SPATS1: variants seen among roughly 807,000 people sequenced by gnomAD.
SPATS1 encodes spermatogenesis associated serine rich 1, also known as spermatogenesis-associated serine-rich protein 1.
Under a neutral mutation model 33.6 loss-of-function variants are expected in SPATS1, and 23 were observed. The observed-to-expected ratio is 0.68, with a 90% CI of 0.49 to 0.97. The LOEUF is 0.97. Ranked by LOEUF, SPATS1 falls within the 50% of genes least tolerant of loss-of-function variation. SPATS1 has a pLI of 0.00. For synonymous variants in SPATS1, 131 were observed against 125.6 expected, an observed-to-expected ratio of 1.04 and a Z score of -0.29; for missense variants, 327 against 361.0, an observed-to-expected ratio of 0.91 and a Z score of 0.76.
Position 44,360,458 on chromosome 6 carries a change from C to T in SPATS1, c.300C>T (p.Asp100=). 6.2e-7 allele frequency: 1 copy of T among 1,614,176 alleles called. No homozygotes were observed. Residue 100 remains aspartate, a synonymous_variant, in exon 4 of 9, where the codon GAC becomes GAT. Coordinates refer to ENST00000674044, the MANE Select transcript of SPATS1 (RefSeq NM_001372081.1). ...GCTTTCTTTCCAGCACCACTGCTGACTTGGATCGGAAACTCTCCTTCTCAC... is the reference window on the plus strand; with the variant it reads ...GCTTTCTTTCCAGCACCACTGCTGATTTGGATCGGAAACTCTCCTTCTCAC... ...RVSAYVDTTA[D]LDRKLSFSHS...
intron 4 of SPATS1, 106 bp downstream of exon 4, chr6:44,360,676 GA>G: frequency 7.4e-7 from 1 of 1,353,790 alleles, no homozygotes; most frequent in East Asian, 2.4e-5. Context: ...TCAAGCATTT[GA>G]TGTACTTTAT....
chr6:44,370,676 G>A (rs1295061649), intron 7 of SPATS1, among the ~76,000 whole-genome samples: 1 of 151,970 alleles, frequency 6.6e-6, no homozygotes, highest in Admixed American at 6.6e-5. Context: ...CTATGAGTGG[G>A]CATGTGTCCC....
In SPATS1 at chr6:44,378,778, A is replaced by G. The variant is rs914898900; in HGVS notation, c.*1715A>G. On this transcript the variant is annotated 3_prime_UTR_variant, in exon 9 of 9. Coordinates refer to ENST00000674044, the MANE Select transcript of SPATS1 (RefSeq NM_001372081.1). ...AAGAGCGAAACTCCATCCCAAAAAC[A>G]AAGAAGCAAACAAAAACCACAATGC... The G allele has an allele frequency of 2.6e-5, 4 of 152,462 alleles. No homozygotes were observed. The highest frequency in any genetic ancestry group is 5.9e-5 in the Non-Finnish European group (4 of 68,314). 9.4% of individuals were successfully genotyped at this position (152,462 alleles called of 1,614,324 possible).
intron 2 of SPATS1, among the ~76,000 whole-genome samples, chr6:44,345,509 T>G (rs1787820570): frequency 6.6e-6 from 1 of 152,186 alleles, no homozygotes; most frequent in Non-Finnish European, 1.5e-5. Flanking sequence ...GAAAGGACCC[T>G]CTCTGATACC....
At chr6:44,374,648 C>T (rs1238736681) in intron 7 of SPATS1, among the ~76,000 whole-genome samples, 1 of 152,190 alleles carries the variant, frequency 6.6e-6, no homozygotes, top group African/African-American at 2.4e-5. Flanking sequence ...AGTTCTGTTA[C>T]ATTATTTGTT....
chr6:44,373,643 C>A (rs1789758711), intron 7 of SPATS1, among the ~76,000 whole-genome samples: 1 of 151,020 alleles, frequency 6.6e-6, no homozygotes, highest in Non-Finnish European at 1.5e-5. Flanking sequence ...ATGCAACAAT[C>A]CACCTGTAAA....
At chr6:44,353,220 A>G (rs925642162) in intron 3 of SPATS1, among the ~76,000 whole-genome samples, 5 of 152,224 alleles carry the variant, frequency 3.3e-5, no homozygotes, top group African/African-American at 4.8e-5. Context: ...GTGAAACTAT[A>G]TATTTTTGGG....
In SPATS1 at chr6:44,361,843, G is replaced by A. The variant is rs770092134; in HGVS notation, c.425G>A (p.Arg142His). ...LLKLQTKDGH[R>H]PEWTFYPRFS... ...TGGTGTATTGCAGAAGATGGGCATC[G>A]TCCTGAGTGGACATTTTACCCAAGG... Residue 142 changes from arginine (R) to histidine (H), a missense_variant, in exon 5 of 9, where the codon CGT becomes CAT. Transcript: ENST00000674044. 2.2e-5 allele frequency: 35 copies of A among 1,614,088 alleles called. No homozygotes were observed. Among genetic ancestry groups the A allele is most frequent in the South Asian group, 2.0e-4 (18 of 91,086 alleles).
intron 5 of SPATS1, among the ~76,000 whole-genome samples, chr6:44,364,684 C>G (rs1789130164): frequency 6.6e-6 from 1 of 152,104 alleles, no homozygotes; most frequent in African/African-American, 2.4e-5. Context: ...ACACTGGATA[C>G]TTCTTCCTTT....
chr6:44,356,390 C>A (rs1449889966), intron 3 of SPATS1, among the ~76,000 whole-genome samples: 1 of 152,218 alleles, frequency 6.6e-6, no homozygotes, highest in Non-Finnish European at 1.5e-5. Flanking sequence ...TATTGGTACA[C>A]AACTAATCAC....
rs553072273 is a variant in SPATS1 at position 44,361,733 on chromosome 6, G to A, written c.413-98G>A. 51 of 1,484,330 alleles carry A rather than the reference G, an allele frequency of 3.4e-5. 1 individual carries two copies. In the South Asian group the frequency reaches 5.8e-4, roughly 17 times the overall value. 91.9% of individuals were successfully genotyped at this position (1,484,330 alleles called of 1,614,324 possible). A position where few individuals can be genotyped will look rare whatever the true frequency, so the allele number is the denominator to read the frequency against. On this transcript the variant is annotated intron_variant, in intron 4 of 8. Coordinates refer to ENST00000674044, the MANE Select transcript of SPATS1 (RefSeq NM_001372081.1). ...TATACACATTAATTAAAGTTATATAGCCAGATAGTGCCTGTGGAGTTTTCA... is the reference window on the plus strand; with the variant it reads ...TATACACATTAATTAAAGTTATATAACCAGATAGTGCCTGTGGAGTTTTCA...
At chr6:44,369,034 C>T (rs1384996020) in intron 6 of SPATS1, among the ~76,000 whole-genome samples, 1 of 151,770 alleles carries the variant, frequency 6.6e-6, no homozygotes, top group African/African-American at 2.4e-5. Context: ...GTAGCTGGGA[C>T]TACAGGTGCC....
intron 5 of SPATS1, among the ~76,000 whole-genome samples, chr6:44,363,656 CTCCTTCCCTCCTTCCT>C (rs1167935571): frequency 1.6e-4 from 2 of 12,900 alleles, no homozygotes; most frequent in African/African-American, 8.5e-4. Flanking sequence ...CCTTCCTTCC[CTCCTTCCCTCCTTCCT>C]TCCTTCCCTC....
chr6:44,370,212 C>A, intron 7 of SPATS1, 99 bp downstream of exon 7: 1 of 1,126,926 alleles, frequency 8.9e-7, no homozygotes. Context: ...AACCAGGACA[C>A]AGGGCCCTTT....
chr6:44,343,446 A>T (rs548939605), intron 2 of SPATS1: 1 of 663,950 alleles, frequency 1.5e-6, no homozygotes, highest in African/African-American at 1.8e-5. Context: ...GAGTCTCATA[A>T]ATTACCTCAC....
intron 7 of SPATS1, among the ~76,000 whole-genome samples, chr6:44,371,071 A>G (rs1474180859): frequency 1.3e-5 from 2 of 148,852 alleles, no homozygotes; most frequent in Non-Finnish European, 3.0e-5. Flanking sequence ...AGGCAGGGGG[A>G]CTGCTTGAAG....
chr6:44,352,586 G>A, intron 2 of SPATS1, 140 bp from the exon 3 acceptor site: 1 of 701,086 alleles, frequency 1.4e-6, no homozygotes, highest in East Asian at 2.7e-5. Flanking sequence ...ATGTGTAAAG[G>A]TGTTGACATA....
chr6:44,374,142 T>TG (rs1302474670), intron 7 of SPATS1, among the ~76,000 whole-genome samples: 31 of 152,342 alleles, frequency 2.0e-4, no homozygotes, highest in African/African-American at 7.5e-4. Flanking sequence ...CTATATTAGG[T>TG]CACTTAATAT....
In SPATS1 at chr6:44,377,121, G is replaced by A. The variant is rs1790012542; in HGVS notation, c.*58G>A. 3.1e-6 allele frequency: 5 copies of A among 1,600,050 alleles called. No homozygotes were observed. On this transcript the variant is annotated 3_prime_UTR_variant, in exon 9 of 9. Transcript: ENST00000674044. ...GCACTCTGGCGACCCTTTTCCAGTT[G>A]ATGTTTTTTGTCATGTGACTGTTCT...
Sources: gnomAD v4.1 joint callset for allele counts (sites outside exome capture counted in the v4.1 genomes callset) on GRCh38, gnomAD v4.1.1 for gene constraint, MANE v1.5 for transcripts, NCBI Gene and HGNC (gene_info 2026-07-23, HGNC 2026-07-21) for gene names.